Variants in NAMPT observed in about 807,000 individuals in gnomAD.
NAMPT encodes the protein NAmPRTase.
NAMPT carries 7 observed loss-of-function variants against 58.7 expected under a neutral mutation model. The ratio of observed to expected loss-of-function variants is 0.12; its 90% CI spans 0.07 to 0.22. The LOEUF (loss-of-function observed/expected upper bound fraction) is 0.22. NAMPT is among the 10% of genes least tolerant of loss of function. The pLI is 1.00. For missense variants in NAMPT, 271 were observed against 567.9 expected (o/e 0.48, Z 5.31); for synonymous variants, 145 against 198.1 (o/e 0.73, Z 2.25).
chr7:106,277,034 T>C lies in NAMPT; in HGVS notation c.203A>G (p.Lys68Arg). The change falls in exon 2 of 11, where the codon AAG becomes AGG. Residue 68 changes from lysine (K) to arginine (R), a missense_variant. This residue lies in a region of NAMPT where 103 missense variants were observed against 194.2 expected (regional missense o/e 0.53). Coordinates refer to ENST00000222553, the MANE Select transcript of NAMPT (RefSeq NM_005746.3). ...VFYGLQYILN[K>R]YLKGKVVTKE... is the part of the protein sequence containing the mutation. ...AGGAAAAGTAATACCTTTTAAGTAC[T>C]TATTAAGAATGTACTGCAACCCATA... The C allele has an allele frequency of 6.3e-7, 1 of 1,583,466 alleles. No individual in the cohort carries two copies. Among genetic ancestry groups the C allele is most frequent in the Non-Finnish European group, 8.7e-7 (1 of 1,152,256 alleles).
chr7:106,267,316 T>A (rs552374160), intron 6 of NAMPT, among the ~76,000 whole-genome samples: 49 of 152,266 alleles, frequency 3.2e-4, no homozygotes, highest in Non-Finnish European at 4.0e-4. Context: ...GTCAGTTTTT[T>A]AAAAATATCC....
chr7:106,282,452 G>A (rs957033426), intron 1 of NAMPT, among the ~76,000 whole-genome samples: 4 of 152,050 alleles, frequency 2.6e-5, no homozygotes, highest in East Asian at 3.9e-4. Context: ...AACCTACACC[G>A]GACAGCACAT....
chr7:106,268,307 A>C (rs543862983), intron 6 of NAMPT, 157 bp downstream of exon 6: 39 of 646,730 alleles, frequency 6.0e-5, no homozygotes, highest in African/African-American at 5.3e-4. Flanking sequence ...CTCTAAGACT[A>C]ATGTTTATAC....
chr7:106,281,690 C>T (rs1477504533), intron 1 of NAMPT, among the ~76,000 whole-genome samples: 1 of 152,096 alleles, frequency 6.6e-6, no homozygotes, highest in African/African-American at 2.4e-5. Flanking sequence ...TGTCTGTTGC[C>T]CCCAAAAATA....
At chr7:106,279,808 A>G (rs1353025830) in intron 1 of NAMPT, among the ~76,000 whole-genome samples, 1 of 152,210 alleles carries the variant, frequency 6.6e-6, no homozygotes, top group Non-Finnish European at 1.5e-5. Context: ...AAAATGTAAG[A>G]GAATGATGGG....
chr7:106,250,248 A>G lies in NAMPT; in HGVS notation c.*835T>C, dbSNP rs1179823762. On this transcript the variant is annotated 3_prime_UTR_variant, in exon 11 of 11. Coordinates refer to ENST00000222553, the MANE Select transcript of NAMPT (RefSeq NM_005746.3). The stretch of plus-strand genomic sequence containing the variant: ...TATTTTACATTTATGTATATATTCT[A>G]TAGTGGAAGCAGAAATTCTCTCTAA... 2.0e-5 allele frequency: 3 copies of G among 152,324 alleles called. No individual in the cohort carries two copies. The highest frequency in any genetic ancestry group is 6.6e-5 in the Admixed American group (1 of 15,222). The allele number at this position is 152,324 out of a possible 1,614,324, so 9.4% of individuals were successfully genotyped here.
chr7:106,284,314 G>A (rs1333731261), intron 1 of NAMPT: 24 of 150,442 alleles, frequency 1.6e-4, no homozygotes, highest in African/African-American at 5.6e-4. Flanking sequence ...GCCCGCGCCA[G>A]GACTTCTCCC....
At position 106,261,661 on chromosome 7, in the gene NAMPT, T is replaced by C; in HGVS notation, c.1016A>G (p.Lys339Arg). ...ATAAGGTGGCAGCAACTTGTAACCC[T>C]TTGAGTTCTCAGTAACAGGAAACTT... ...GKKFPVTENS[K>R]GYKLLPPYLR... Residue 339 changes from lysine (K) to arginine (R), a missense_variant, in exon 8 of 11, where the codon AAG becomes AGG. Transcript: ENST00000222553. 6.2e-7 allele frequency: 1 copy of C among 1,600,224 alleles called. No homozygotes were observed. Among genetic ancestry groups the C allele is most frequent in the Non-Finnish European group, 8.6e-7 (1 of 1,167,504 alleles).
At chr7:106,281,103 C>A (rs1303993446) in intron 1 of NAMPT, among the ~76,000 whole-genome samples, 2 of 150,474 alleles carry the variant, frequency 1.3e-5, no homozygotes, top group African/African-American at 4.9e-5. Context: ...CAAAAACGGT[C>A]TAGCCCTAAG....
chr7:106,255,752 G>T (rs990992496), intron 8 of NAMPT, among the ~76,000 whole-genome samples: 1 of 152,164 alleles, frequency 6.6e-6, no homozygotes, highest in African/African-American at 2.4e-5. Flanking sequence ...GGTACCCAAG[G>T]CCCCTGAGTT....
At chr7:106,282,102 T>G (rs73720637) in intron 1 of NAMPT, among the ~76,000 whole-genome samples, 10,920 of 152,188 alleles carry the variant, frequency 0.072, 668 homozygotes, top group African/African-American at 0.16. Context: ...ACCCCACTCA[T>G]GAGGCTCAGG....
intron 7 of NAMPT, among the ~76,000 whole-genome samples, chr7:106,262,616 A>G (rs1792326560): frequency 6.6e-6 from 1 of 152,136 alleles, no homozygotes. Context: ...TCATCTGCTC[A>G]TTAACTGACA....
At chr7:106,281,207 T>C (rs1792757368) in intron 1 of NAMPT, among the ~76,000 whole-genome samples, 1 of 151,782 alleles carries the variant, frequency 6.6e-6, no homozygotes, top group Non-Finnish European at 1.5e-5. Context: ...TTGTTCCAAG[T>C]ATGACAGTTT....
intron 3 of NAMPT, among the ~76,000 whole-genome samples, chr7:106,273,573 G>T (rs977738597): frequency 3.9e-5 from 6 of 152,184 alleles, no homozygotes; most frequent in African/African-American, 1.4e-4. Flanking sequence ...GATTCTGTTT[G>T]TAAAATGGGG....
rs895596571 is a variant in NAMPT at position 106,249,616 on chromosome 7, G to C, written c.*1467C>G. On this transcript the variant is annotated 3_prime_UTR_variant, in exon 11 of 11. Coordinates refer to ENST00000222553, the MANE Select transcript of NAMPT (RefSeq NM_005746.3). ...ATCAGGAAACTTTTTGTGTAATTTT[G>C]TGTAAAGGGCAGGTTAATAAACATT... The C allele has an allele frequency of 7.2e-5, 11 of 151,984 alleles. No individual in the cohort carries two copies. The highest frequency in any genetic ancestry group is 1.6e-4 in the Non-Finnish European group (11 of 67,942). 9.4% of individuals were successfully genotyped at this position (151,984 alleles called of 1,614,324 possible). A position where few individuals can be genotyped will look rare whatever the true frequency, so the allele number is the denominator to read the frequency against.
intron 9 of NAMPT, chr7:106,253,614 T>G (rs1307814401): frequency 1.3e-5 from 2 of 154,960 alleles, no homozygotes; most frequent in African/African-American, 4.8e-5. Flanking sequence ...TCATAACGTA[T>G]CCCTCTTTTG....
chr7:106,285,280 G>T, upstream of NAMPT: 1 of 726,830 alleles, frequency 1.4e-6, no homozygotes, highest in South Asian at 5.5e-5. Flanking sequence ...GAAGCTGGAG[G>T]CAGCGGGGCA....
chr7:106,284,930 G>T lies in NAMPT; in HGVS notation c.-46C>A. The stretch of plus-strand genomic sequence containing the variant: ...CCGCGCGCCGCGAGCTCCCTGGCGC[G>T]GCTGCGAGGAAGGAGAAAAATGAGC... On this transcript the variant is annotated 5_prime_UTR_variant, in exon 1 of 11. Coordinates refer to ENST00000222553, the MANE Select transcript of NAMPT (RefSeq NM_005746.3). 6.4e-7 allele frequency: 1 copy of T among 1,561,744 alleles called. No homozygotes were observed. Among genetic ancestry groups the T allele is most frequent in the Non-Finnish European group, 8.7e-7 (1 of 1,151,508 alleles).
intron 8 of NAMPT, among the ~76,000 whole-genome samples, chr7:106,255,871 G>T (rs1792189886): frequency 1.3e-5 from 2 of 152,090 alleles, no homozygotes; most frequent in Admixed American, 1.3e-4. Flanking sequence ...TGGAGGGTAA[G>T]GTAAAATATA....
Sources: gnomAD v4.1 joint callset for allele counts (sites outside exome capture counted in the v4.1 genomes callset) on GRCh38, gnomAD v4.1.1 for gene constraint, gnomAD v4.1.1 regional missense constraint, MANE v1.5 for transcripts, NCBI Gene and HGNC (gene_info 2026-07-23, HGNC 2026-07-21) for gene names.